The following NPAS2 variants were observed in gnomAD, a reference collection of about 807,000 sequenced individuals.
The protein encoded by NPAS2 is neuronal PAS domain-containing protein 2.
In NPAS2, 23 loss-of-function variants were observed where a neutral mutation model predicts 107.5. The ratio of observed to expected loss-of-function variants is 0.21; its 90% CI spans 0.15 to 0.30. The LOEUF (loss-of-function observed/expected upper bound fraction) is 0.30. Ranked by LOEUF, NPAS2 falls within the 10% of genes least tolerant of loss-of-function variation. NPAS2 has a pLI of 1.00. For synonymous variants in NPAS2, 403 were observed against 417.5 expected (o/e 0.97, Z 0.42); for missense variants, 756 against 1,043.3 (o/e 0.72, Z 3.79).
At chr2:100,901,753 C>T (rs1441171774) in intron 1 of NPAS2, among the ~76,000 whole-genome samples, 1 of 152,100 alleles carries the variant, frequency 6.6e-6, no homozygotes. Flanking sequence ...CTGCCGTTCC[C>T]CACCTCAGGT....
At chr2:100,969,038 C>T (rs1676394356) in intron 11 of NPAS2, among the ~76,000 whole-genome samples, 1 of 152,142 alleles carries the variant, frequency 6.6e-6, no homozygotes, top group Non-Finnish European at 1.5e-5. Flanking sequence ...TGTGGGGTCA[C>T]TGTTCCCAAG....
At chr2:100,991,251 C>T (rs1179408258) in intron 19 of NPAS2, among the ~76,000 whole-genome samples, 2 of 152,194 alleles carry the variant, frequency 1.3e-5, no homozygotes, top group African/African-American at 4.8e-5. Flanking sequence ...GTGCTCCGTG[C>T]TTCTGGCACC....
chr2:100,988,759 C>T (rs1193101334), intron 17 of NPAS2: 38 of 279,012 alleles, frequency 1.4e-4, no homozygotes, highest in African/African-American at 9.3e-4. Context: ...CAGGCCCCCA[C>T]TGCTCCTCCA....
intron 12 of NPAS2, among the ~76,000 whole-genome samples, chr2:100,974,101 C>T (rs1453318584): frequency 6.6e-6 from 1 of 152,240 alleles, no homozygotes; most frequent in Non-Finnish European, 1.5e-5. Flanking sequence ...CTCAGCCTCC[C>T]AAAGAGCTGG....
chr2:100,829,425 T>A (rs1676592648), intron 1 of NPAS2, among the ~76,000 whole-genome samples: 2 of 152,198 alleles, frequency 1.3e-5, no homozygotes. Flanking sequence ...TTTGGAACTG[T>A]GTTCTTGATT....
At chr2:100,896,384 C>T (rs1347808521) in intron 1 of NPAS2, among the ~76,000 whole-genome samples, 2 of 152,038 alleles carry the variant, frequency 1.3e-5, no homozygotes. Context: ...AGCCCAGGGT[C>T]TGCTCTGTCC....
chr2:100,884,438 C>T (rs578062339), intron 1 of NPAS2, among the ~76,000 whole-genome samples: 2 of 152,218 alleles, frequency 1.3e-5, no homozygotes, highest in South Asian at 2.1e-4. Flanking sequence ...GCTCACTAGC[C>T]CCACCATCTC....
At chr2:100,834,239 GGGCT>G (rs1253295249) in intron 1 of NPAS2, among the ~76,000 whole-genome samples, 2 of 152,188 alleles carry the variant, frequency 1.3e-5, no homozygotes, top group African/African-American at 4.8e-5. Context: ...GAGGCTTTCT[GGGCT>G]CAGCCGGCGC....
At chr2:100,831,340 C>T (rs948043392) in intron 1 of NPAS2, among the ~76,000 whole-genome samples, 28 of 152,112 alleles carry the variant, frequency 1.8e-4, no homozygotes, top group African/African-American at 6.3e-4. Flanking sequence ...GTGTTTGCCA[C>T]GTCAGCACTT....
intron 4 of NPAS2, among the ~76,000 whole-genome samples, chr2:100,936,161 C>T (rs1049457197): frequency 6.6e-6 from 1 of 152,190 alleles, no homozygotes; most frequent in Non-Finnish European, 1.5e-5. Context: ...TGTTAATTTT[C>T]CTGGTGAAAA....
intron 1 of NPAS2, among the ~76,000 whole-genome samples, chr2:100,856,676 G>A (rs1475590713): frequency 2.0e-5 from 3 of 147,792 alleles, no homozygotes; most frequent in Non-Finnish European, 3.0e-5. Context: ...CTCGGACTTC[G>A]GAAGCAATGT....
intron 7 of NPAS2, among the ~76,000 whole-genome samples, chr2:100,956,385 C>T (rs888357568): frequency 6.6e-6 from 1 of 152,138 alleles, no homozygotes; most frequent in Non-Finnish European, 1.5e-5. Context: ...CTCCAGCAGC[C>T]CCCGGTGTCC....
At position 100,842,081 on chromosome 2, in the gene NPAS2, G is replaced by GCGCGCGCGCACACACACACACACA; in HGVS notation, c.-23+21668_-23+21669insGCGCGCGCACACACACACACACAC. On this transcript the variant is annotated intron_variant, in intron 1 of 20. Transcript: ENST00000335681. ...TTCATGCATGAGTGTGCATGTACGC[G>GCGCGCGCGCACACACACACACACA]CACACACACACACACACACACACAC... 9.8e-3 allele frequency among the ~76,000 whole-genome samples: 1,454 copies of GCGCGCGCGCACACACACACACACA among 148,880 alleles called. 11 individuals carry two copies. Among genetic ancestry groups the GCGCGCGCGCACACACACACACACA allele is most frequent in the Non-Finnish European group, 0.014 (918 of 66,822 alleles).
chr2:100,970,669 T>C (rs1676484101), intron 11 of NPAS2: 1 of 236,472 alleles, frequency 4.2e-6, no homozygotes. Context: ...GCTTATCCCA[T>C]AGACGAAAAT....
chr2:100,981,053 C>T (rs974176447), intron 15 of NPAS2, among the ~76,000 whole-genome samples: 1 of 152,170 alleles, frequency 6.6e-6, no homozygotes, highest in East Asian at 1.9e-4. Flanking sequence ...GGTCTCTGCA[C>T]ATGTCAGCAC....
At chr2:100,902,810 G>A (rs1038007753) in intron 1 of NPAS2, among the ~76,000 whole-genome samples, 2 of 152,198 alleles carry the variant, frequency 1.3e-5, no homozygotes, top group Non-Finnish European at 2.9e-5. Context: ...TCTGTGACAG[G>A]TGCAATGGGA....
intron 5 of NPAS2, among the ~76,000 whole-genome samples, chr2:100,944,158 G>A (rs1674748030): frequency 6.6e-6 from 1 of 152,080 alleles, no homozygotes; most frequent in Admixed American, 6.5e-5. Context: ...TGGACCTTTA[G>A]GGAGACCAAG....
intron 1 of NPAS2, among the ~76,000 whole-genome samples, chr2:100,864,937 T>C (rs1448132623): frequency 6.6e-6 from 1 of 152,204 alleles, no homozygotes; most frequent in African/African-American, 2.4e-5. Flanking sequence ...TAACTACGTT[T>C]CCCCAAACAG....
At chr2:100,877,240 G>A (rs1405784934) in intron 1 of NPAS2, among the ~76,000 whole-genome samples, 3 of 152,122 alleles carry the variant, frequency 2.0e-5, no homozygotes, top group South Asian at 2.1e-4. Flanking sequence ...TGAGGCAGGC[G>A]GATCACGAGG....
Sources: allele counts gnomAD v4.1 joint callset (sites outside exome capture counted in the v4.1 genomes callset), GRCh38; gene constraint gnomAD v4.1.1; transcripts MANE v1.5; gene names NCBI Gene and HGNC (gene_info 2026-07-23, HGNC 2026-07-21).